The following DDX47 variants were observed in gnomAD, a reference collection of about 807,000 sequenced individuals.
DDX47 encodes probable ATP-dependent RNA helicase DDX47.
In DDX47, 60 loss-of-function variants were observed where a neutral mutation model predicts 58.8. That is an observed-to-expected ratio of 1.02 (90% CI 0.83 to 1.26). The LOEUF is 1.26. DDX47 is among the 50% of genes most tolerant of loss of function. The pLI is 0.00. For synonymous variants in DDX47, 197 were observed against 204.6 expected (o/e 0.96, Z 0.32); for missense variants, 530 against 573.2 (o/e 0.92, Z 0.77).
Position 12,821,407 on chromosome 12 carries a change from G to T in DDX47, c.370+11G>T. ...TTGGAGTGCAGAGTGGTAAGTGTCT[G>T]AGAGGGAAGGGATCCTAGGTTGCCA... On this transcript the variant is annotated intron_variant, in intron 3 of 11. Transcript: ENST00000358007. 6.2e-7 allele frequency: 1 copy of T among 1,614,102 alleles called. No homozygotes were observed. The highest frequency in any genetic ancestry group is 1.1e-5 in the South Asian group (1 of 91,074).
chr12:12,816,048 A>G (rs1336547163), intron 2 of DDX47, among the ~76,000 whole-genome samples: 1 of 152,174 alleles, frequency 6.6e-6, no homozygotes, highest in East Asian at 1.9e-4. Context: ...AGTGGAAGGC[A>G]AGGAAGGGGT....
At chr12:12,822,469 T>A (rs1305866632) in intron 5 of DDX47, among the ~76,000 whole-genome samples, 192 bp from the exon 6 acceptor site, 2 of 152,212 alleles carry the variant, frequency 1.3e-5, no homozygotes, top group East Asian at 3.8e-4. Context: ...GTATTTTTTT[T>A]AATAGTATTT....
Position 12,814,216 on chromosome 12 carries a change from C to T in DDX47, c.173C>T (p.Ala58Val). 1.2e-6 allele frequency: 2 copies of T among 1,604,746 alleles called. No individual in the cohort carries two copies. The highest frequency in any genetic ancestry group is 2.2e-5 in the East Asian group (1 of 44,804). ...TKIQIEAIPL[A>V]LQGRDIIGLA... is the part of the protein sequence containing the mutation. ...ATCCAGATTGAAGCTATTCCTTTGG[C>T]CTTACAAGGTAGGTTGTATGACTTC... is the stretch of plus-strand genomic sequence containing the variant. Residue 58 changes from alanine (A) to valine (V), a missense_variant, in exon 2 of 12, where the codon GCC (alanine) becomes GTC (valine). By Grantham distance (64) the Ala-to-Val change is moderately conservative. Transcript: ENST00000358007.
intron 2 of DDX47, chr12:12,814,722 C>T (rs1412716138): frequency 1.9e-5 from 3 of 156,406 alleles, no homozygotes; most frequent in Non-Finnish European, 4.2e-5. Flanking sequence ...CGCTCTGTCG[C>T]CCAGGCTGGA....
chr12:12,826,996 A>G lies in DDX47; in HGVS notation c.1107-250A>G, dbSNP rs78654140. On this transcript the variant is annotated intron_variant, in intron 10 of 11. Coordinates refer to ENST00000358007, the MANE Select transcript of DDX47 (RefSeq NM_016355.4). ...GGTCTGGAACTCCTGGTCTCAAGTG[A>G]TTCTCCTGCTTTGACCTCCCAAAGC... Among the ~76,000 whole-genome samples, 1,354 of 152,108 alleles carry G rather than the reference A, an allele frequency of 8.9e-3. 18 individuals are homozygous for G. The highest frequency in any genetic ancestry group is 0.031 in the African/African-American group (1,302 of 41,462).
chr12:12,824,337 C>A, intron 8 of DDX47: 1 of 581,440 alleles, frequency 1.7e-6, no homozygotes, highest in Non-Finnish European at 2.9e-6. Context: ...TCGTGTCAAA[C>A]TACCCTTATT....
chr12:12,816,973 G>A (rs900808252), intron 2 of DDX47, among the ~76,000 whole-genome samples: 1 of 152,140 alleles, frequency 6.6e-6, no homozygotes, highest in Non-Finnish European at 1.5e-5. Context: ...ATAGGGAGGG[G>A]TCAGTGGAAG....
Position 12,813,363 on chromosome 12 carries a change from A to G in DDX47, c.-5A>G. 1 of 1,612,956 alleles carries G rather than the reference A, an allele frequency of 6.2e-7. No individual in the cohort carries two copies. The highest frequency in any genetic ancestry group is 8.5e-7 in the Non-Finnish European group (1 of 1,179,442). On this transcript the variant is annotated 5_prime_UTR_variant, in exon 1 of 12. Transcript: ENST00000358007. Reference sequence around the variant, plus strand: ...GCAGACCCACTTCCGGAGACCTCACACAAGATGGCGGCACCCGAGGAACAC... The same window carrying G: ...GCAGACCCACTTCCGGAGACCTCACGCAAGATGGCGGCACCCGAGGAACAC...
Position 12,823,985 on chromosome 12 carries a change from C to T in DDX47, c.866C>T (p.Thr289Ile). 1 of 1,614,146 alleles carries T rather than the reference C, an allele frequency of 6.2e-7. No individual in the cohort carries two copies. Among genetic ancestry groups the T allele is most frequent in the Non-Finnish European group, 8.5e-7 (1 of 1,180,000 alleles). The change falls in exon 8 of 12, where the codon ACT becomes ATT. Residue 289 changes from threonine (T) to isoleucine (I), a missense_variant. Thr to Ile is a moderately conservative substitution (Grantham distance 89). Coordinates refer to ENST00000358007, the MANE Select transcript of DDX47 (RefSeq NM_016355.4). ...TTGCTACTGCGAAATCTTGGCTTCACTGCCATCCCCCTCCATGGACAAATG... is the reference window on the plus strand; with the variant it reads ...TTGCTACTGCGAAATCTTGGCTTCATTGCCATCCCCCTCCATGGACAAATG... ...TALLLRNLGF[T>I]AIPLHGQMSQ...
In DDX47 at chr12:12,813,393, C is replaced by T. The variant is rs1381546086; in HGVS notation, c.26C>T (p.Ser9Phe). The T allele has an allele frequency of 5.6e-6, 9 of 1,613,448 alleles. No individual in the cohort carries two copies. The highest frequency in any genetic ancestry group is 2.7e-5 in the African/African-American group (2 of 74,912). The change falls in exon 1 of 12, where the codon TCT (serine) becomes TTT (phenylalanine). Residue 9 changes from serine (S) to phenylalanine (F), a missense_variant. Coordinates refer to ENST00000358007, the MANE Select transcript of DDX47 (RefSeq NM_016355.4). ...ATGGCGGCACCCGAGGAACACGATT[C>T]TCCGACCGAAGCGTCCCAGCCGATT... MAAPEEHD[S>F]PTEASQPIVE...
intron 7 of DDX47, 71 bp downstream of exon 7, chr12:12,823,390 C>T: frequency 4.2e-6 from 4 of 956,684 alleles, no homozygotes; most frequent in East Asian, 2.4e-5. Context: ...AATGTGTCAA[C>T]TCTTGATTAG....
intron 6 of DDX47, 91 bp from the exon 7 acceptor site, chr12:12,823,112 A>T (rs779747453): frequency 8.4e-6 from 7 of 829,426 alleles, no homozygotes; most frequent in Non-Finnish European, 1.4e-5. Context: ...ACAATTCAAC[A>T]TGAGATTTGG....
In DDX47 at chr12:12,829,423, G is replaced by T; in HGVS notation, c.1237G>T (p.Glu413Ter). The change falls in exon 12 of 12, where the codon GAG (glutamate) becomes TAG (stop). Residue 413 changes from glutamate to a stop codon, truncating the protein, a stop_gained and splice_region_variant. Coordinates refer to ENST00000358007, the MANE Select transcript of DDX47 (RefSeq NM_016355.4). LOFTEE classifies it high-confidence loss of function. The stretch of plus-strand genomic sequence containing the variant: ...CCCATCCTCTCTTTTTTTCTTGCAG[G>T]AGTTAAGGGAGCATGGAGAAAAGAA... ...VAEAQRFARM[E>*]LREHGEKKKR... is the part of the protein sequence containing the mutation. 1.3e-6 allele frequency: 2 copies of T among 1,597,272 alleles called. No homozygotes were observed. The highest frequency in any genetic ancestry group is 1.8e-5 in the Admixed American group (1 of 55,362).
In DDX47 at chr12:12,823,250, CG is replaced by C; in HGVS notation, c.682del (p.Val228PhefsTer31). On this transcript the variant is annotated frameshift_variant, in exon 7 of 12. Transcript: ENST00000358007. LOFTEE classifies it high-confidence loss of function. ...CTCTGAAGAATCCTGTGAAATGTGC[CG>C]TTTCCTCTAAATACCAGACAGTTGA... ...AALKNPVKCA[V>X]SSKYQTVEKL... 1 of 1,613,948 alleles carries C rather than the reference CG, an allele frequency of 6.2e-7. No individual in the cohort carries two copies. The highest frequency in any genetic ancestry group is 8.5e-7 in the Non-Finnish European group (1 of 1,179,838).
At chr12:12,818,468 C>A (rs1227832045) in intron 2 of DDX47, among the ~76,000 whole-genome samples, 1 of 151,862 alleles carries the variant, frequency 6.6e-6, no homozygotes, top group East Asian at 1.9e-4. Flanking sequence ...TTGCAGTGAG[C>A]CGAGATCTCG....
chr12:12,828,800 G>T (rs1403602727), intron 11 of DDX47, among the ~76,000 whole-genome samples: 1 of 152,144 alleles, frequency 6.6e-6, no homozygotes, highest in Non-Finnish European at 1.5e-5. Context: ...TCTTTCTTTA[G>T]CCATAATTAG....
rs1291176113 is a variant in DDX47 at position 12,829,953 on chromosome 12, CA to C, written c.*401del. 3.9e-5 allele frequency: 6 copies of C among 153,850 alleles called. No individual in the cohort carries two copies. Among genetic ancestry groups the C allele is most frequent in the African/African-American group, 1.4e-4 (6 of 41,500 alleles). 9.5% of individuals were successfully genotyped at this position (153,850 alleles called of 1,614,324 possible). A position where few individuals can be genotyped will look rare whatever the true frequency, so the allele number is the denominator to read the frequency against. ...GTGCTTTATTCAAACTAATGTGAAA[CA>C]ATAAATTTAAATATTATTTTTAAAA... is the stretch of plus-strand genomic sequence containing the variant. On this transcript the variant is annotated 3_prime_UTR_variant, in exon 12 of 12. Coordinates refer to ENST00000358007, the MANE Select transcript of DDX47 (RefSeq NM_016355.4).
intron 2 of DDX47, among the ~76,000 whole-genome samples, chr12:12,816,175 T>C (rs1202521417): frequency 1.3e-5 from 2 of 152,106 alleles, no homozygotes; most frequent in African/African-American, 2.4e-5. Flanking sequence ...AAGTAATTGA[T>C]TTTGGATATC....
chr12:12,820,895 T>C (rs1685523426), intron 2 of DDX47: 3 of 350,472 alleles, frequency 8.6e-6, no homozygotes, highest in Admixed American at 9.3e-5. Flanking sequence ...AACTCACTTA[T>C]CACCTCTGTT....
Sources: allele counts gnomAD v4.1 joint callset (sites outside exome capture counted in the v4.1 genomes callset), GRCh38; gene constraint gnomAD v4.1.1; transcripts MANE v1.5; gene names NCBI Gene and HGNC (gene_info 2026-07-23, HGNC 2026-07-21).